Variants in ERC2 observed in about 807,000 individuals in gnomAD.
ERC2 encodes ERC protein 2.
ERC2 carries 42 observed loss-of-function variants against 114.8 expected under a neutral mutation model. The observed-to-expected ratio is 0.37, with a 90% CI of 0.29 to 0.47. The LOEUF (loss-of-function observed/expected upper bound fraction) is 0.47. Among genes scored for constraint, ERC2 ranks in the 20% least tolerant of loss-of-function variants. ERC2 has a pLI of 0.99. For missense variants in ERC2, 939 were observed against 1,150.7 expected (o/e 0.82, Z 2.66); for synonymous variants, 454 against 425.5 (o/e 1.07, Z -0.82).
At chr3:55,549,144 C>T (rs539401980) in intron 17 of ERC2, among the ~76,000 whole-genome samples, 29 of 152,118 alleles carry the variant, frequency 1.9e-4, no homozygotes, top group Non-Finnish European at 3.2e-4. Context: ...CTGCATAAGA[C>T]AGGAGTTAGA....
At chr3:56,023,436 A>G (rs946730478) in intron 7 of ERC2, among the ~76,000 whole-genome samples, 2 of 151,924 alleles carry the variant, frequency 1.3e-5, no homozygotes, top group Non-Finnish European at 2.9e-5. Flanking sequence ...GGATCTCCTT[A>G]TATCTTCCCT....
chr3:55,516,589 C>G (rs1001825643), intron 17 of ERC2, among the ~76,000 whole-genome samples: 4 of 152,128 alleles, frequency 2.6e-5, no homozygotes, highest in African/African-American at 9.7e-5. Context: ...GAATTGCACA[C>G]TGCTGTTAGG....
chr3:56,193,682 A>G (rs2047927116), intron 3 of ERC2, among the ~76,000 whole-genome samples: 1 of 152,172 alleles, frequency 6.6e-6, no homozygotes, highest in Non-Finnish European at 1.5e-5. Flanking sequence ...GCTCATTTTC[A>G]TCATGACAAG....
chr3:56,173,261 G>C (rs2082778240), intron 4 of ERC2, among the ~76,000 whole-genome samples, 185 bp downstream of exon 4: 1 of 152,056 alleles, frequency 6.6e-6, no homozygotes, highest in African/African-American at 2.4e-5. Flanking sequence ...CCCAGAAAAG[G>C]CATCCTAATT....
intron 17 of ERC2, among the ~76,000 whole-genome samples, chr3:55,673,459 T>C (rs2061646535): frequency 6.6e-6 from 1 of 152,172 alleles, no homozygotes; most frequent in South Asian, 2.1e-4. Flanking sequence ...GGCGCACGCC[T>C]GTACTCCCAG....
At chr3:56,102,931 C>G (rs530389781) in intron 6 of ERC2, among the ~76,000 whole-genome samples, 4 of 152,244 alleles carry the variant, frequency 2.6e-5, no homozygotes, top group African/African-American at 9.6e-5. Flanking sequence ...CCAAGTTCCA[C>G]GCTCTGTTGC....
At chr3:55,999,042 G>A (rs1454728287) in intron 10 of ERC2, among the ~76,000 whole-genome samples, 7 of 147,758 alleles carry the variant, frequency 4.7e-5, no homozygotes, top group African/African-American at 9.9e-5. Flanking sequence ...GGACCCAGAA[G>A]GTCTAAAGAT....
At chr3:56,182,908 A>C (rs1380031866) in intron 3 of ERC2, among the ~76,000 whole-genome samples, 1 of 152,228 alleles carries the variant, frequency 6.6e-6, no homozygotes, top group Non-Finnish European at 1.5e-5. Flanking sequence ...TGTCCATATT[A>C]GATATTAAAA....
chr3:55,854,482 G>C (rs2149249089), intron 14 of ERC2, among the ~76,000 whole-genome samples: 1 of 152,342 alleles, frequency 6.6e-6, no homozygotes, highest in Non-Finnish European at 1.5e-5. Context: ...GTGGCTGAGA[G>C]CACAGGAGCA....
intron 2 of ERC2, among the ~76,000 whole-genome samples, chr3:56,300,158 G>A (rs1456234000): frequency 6.6e-6 from 1 of 151,836 alleles, no homozygotes; most frequent in African/African-American, 2.4e-5. Context: ...CAGAAGTGAA[G>A]GAAGATAAGA....
At chr3:55,654,571 C>A (rs1056893857) in intron 17 of ERC2, among the ~76,000 whole-genome samples, 2 of 152,232 alleles carry the variant, frequency 1.3e-5, no homozygotes, top group Non-Finnish European at 2.9e-5. Context: ...CTGGAGACTG[C>A]GGTGGAAGAT....
chr3:56,335,409 G>C (rs2057804104), intron 2 of ERC2, among the ~76,000 whole-genome samples: 1 of 152,144 alleles, frequency 6.6e-6, no homozygotes, highest in Admixed American at 6.5e-5. Context: ...GATTTTCAAA[G>C]ATACTTGACT....
At chr3:55,831,399 GA>G (rs2060572952) in intron 14 of ERC2, among the ~76,000 whole-genome samples, 1 of 82,618 alleles carries the variant, frequency 1.2e-5, no homozygotes, top group Non-Finnish European at 2.4e-5. Context: ...AAGGGGAGGG[GA>G]GGGGAGGGAA....
At chr3:55,923,007 C>G (rs558794694) in intron 13 of ERC2, among the ~76,000 whole-genome samples, 4 of 152,234 alleles carry the variant, frequency 2.6e-5, no homozygotes, top group African/African-American at 9.6e-5. Context: ...AATTACCATA[C>G]AGTCCATCAA....
rs1218340902 is a variant in ERC2 at position 55,888,335 on chromosome 3, A to G, written c.2564+54T>C. ...TCTTCTCTAGCCCTTCCCCTTTCCC[A>G]CTCTCAAGAGAGGCTAGAAGAGAGA... On this transcript the variant is annotated intron_variant, in intron 14 of 17. Coordinates refer to ENST00000288221, the MANE Select transcript of ERC2 (RefSeq NM_015576.3). 114 of 1,591,630 alleles carry G rather than the reference A, an allele frequency of 7.2e-5. 1 individual carries two copies. Among genetic ancestry groups the G allele is most frequent in the Middle Eastern group, 6.8e-4 (4 of 5,846 alleles).
chr3:55,759,512 A>AT (rs751839534), intron 14 of ERC2, among the ~76,000 whole-genome samples: 1 of 146,036 alleles, frequency 6.8e-6, no homozygotes, highest in Non-Finnish European at 1.5e-5. Context: ...TAAGGTCAAA[A>AT]TAAGTATGAT....
intron 2 of ERC2, among the ~76,000 whole-genome samples, chr3:56,381,887 ACTCAGGGT>A (rs1479724257): frequency 4.6e-5 from 7 of 152,188 alleles, no homozygotes; most frequent in Non-Finnish European, 1.0e-4. Flanking sequence ...GCATTCTGGA[ACTCAGGGT>A]CCTCAAGAAC....
intron 15 of ERC2, among the ~76,000 whole-genome samples, chr3:55,709,308 A>G (rs968347699): frequency 2.6e-5 from 4 of 152,200 alleles, no homozygotes; most frequent in Non-Finnish European, 5.9e-5. Context: ...GAGGCAAGAT[A>G]ATTCACAGGG....
intron 14 of ERC2, among the ~76,000 whole-genome samples, chr3:55,739,784 G>T (rs1012810610): frequency 1.3e-5 from 2 of 151,994 alleles, no homozygotes; most frequent in African/African-American, 2.4e-5. Context: ...GTCAATTTTG[G>T]CTTTTGTTGC....
Sources: gnomAD v4.1 joint callset for allele counts (sites outside exome capture counted in the v4.1 genomes callset) on GRCh38, gnomAD v4.1.1 for gene constraint, MANE v1.5 for transcripts, NCBI Gene and HGNC (gene_info 2026-07-23, HGNC 2026-07-21) for gene names.